CDH23: variants seen among roughly 807,000 people sequenced by gnomAD.
CDH23 encodes cadherin related 23.
CDH23 carries 189 observed loss-of-function variants against 317.1 expected under a neutral mutation model. That is an observed-to-expected ratio of 0.60 (90% CI 0.53 to 0.67). The LOEUF (loss-of-function observed/expected upper bound fraction) is 0.67, where lower values mean the gene tolerates loss of function less well. Among genes scored for constraint, CDH23 ranks in the 30% least tolerant of loss-of-function variants. CDH23 has a pLI of 0.00. For synonymous variants in CDH23, 1,839 were observed against 1,876.8 expected (o/e 0.98, Z 0.52); for missense variants, 4,401 against 4,592.4 (o/e 0.96, Z 1.20).
chr10:71,688,444 G>A (rs145486815), intron 19 of CDH23, among the ~76,000 whole-genome samples: 43 of 152,304 alleles, frequency 2.8e-4, no homozygotes, highest in African/African-American at 9.9e-4. Context: ...AGGGATGGTA[G>A]AGCCAGGGAT....
intron 11 of CDH23, among the ~76,000 whole-genome samples, chr10:71,630,816 G>C (rs959534407): frequency 6.6e-6 from 1 of 152,162 alleles, no homozygotes; most frequent in Non-Finnish European, 1.5e-5. Context: ...AGCTACTGGC[G>C]TGGCCTCAGC....
chr10:71,554,545 C>T (rs1856778057), intron 6 of CDH23, among the ~76,000 whole-genome samples: 1 of 152,126 alleles, frequency 6.6e-6, no homozygotes, highest in African/African-American at 2.4e-5. Flanking sequence ...TACCAAGTCT[C>T]AAGGTTACTG....
intron 9 of CDH23, among the ~76,000 whole-genome samples, chr10:71,584,724 A>ATT (rs1858926214): frequency 6.6e-6 from 1 of 152,216 alleles, no homozygotes; most frequent in South Asian, 2.1e-4. Flanking sequence ...AGCCCTTGTG[A>ATT]TTAAGCTGCT....
chr10:71,632,495 G>T (rs989718188), intron 11 of CDH23, among the ~76,000 whole-genome samples: 1 of 152,196 alleles, frequency 6.6e-6, no homozygotes, highest in Non-Finnish European at 1.5e-5. Flanking sequence ...GAGCACCGGT[G>T]GGTGGGGACT....
intron 34 of CDH23, among the ~76,000 whole-genome samples, chr10:71,736,844 T>C (rs1043000863): frequency 3.3e-5 from 5 of 152,142 alleles, no homozygotes; most frequent in African/African-American, 1.2e-4. Flanking sequence ...CAGCAGTAAA[T>C]GTATGCCCTG....
chr10:71,793,989 GT>G (rs1266274709), intron 48 of CDH23, among the ~76,000 whole-genome samples: 1 of 151,928 alleles, frequency 6.6e-6, no homozygotes, highest in Non-Finnish European at 1.5e-5. Context: ...TTGTTCTTTT[GT>G]TTTTTGTTTT....
chr10:71,748,341 C>T (rs1839904970), intron 38 of CDH23: 1 of 152,668 alleles, frequency 6.6e-6, no homozygotes, highest in Non-Finnish European at 1.5e-5. Flanking sequence ...TGCACCTCCA[C>T]CCCAGCGCCC....
chr10:71,730,897 T>C (rs1355452764), intron 31 of CDH23, among the ~76,000 whole-genome samples: 1 of 152,178 alleles, frequency 6.6e-6, no homozygotes, highest in Non-Finnish European at 1.5e-5. Context: ...CACTAGCCTT[T>C]AGAGAGGGGC....
At chr10:71,695,155 A>T (rs563591045) in intron 21 of CDH23, among the ~76,000 whole-genome samples, 7 of 152,326 alleles carry the variant, frequency 4.6e-5, no homozygotes, top group South Asian at 2.1e-4. Context: ...GGGAAGCCCC[A>T]GGTCACAGCA....
At position 71,578,029 on chromosome 10, in the gene CDH23, T is replaced by C. The variant is rs781133185; in HGVS notation, c.832+37T>C. ...GGCTGCCCCTCTCTCCTCTCACCCC[T>C]CTGTCCTCCACCCAAGGAGAGCCAG... On this transcript the variant is annotated intron_variant, in intron 9 of 69. Transcript: ENST00000224721. 2.6e-6 allele frequency: 4 copies of C among 1,549,500 alleles called. No individual in the cohort carries two copies. In the South Asian group the frequency reaches 4.7e-5, roughly 18 times the overall value.
intron 3 of CDH23, among the ~76,000 whole-genome samples, chr10:71,494,612 G>A (rs1043018412): frequency 1.4e-4 from 22 of 152,160 alleles, no homozygotes; most frequent in African/African-American, 4.8e-4. Context: ...TCTCCCATAC[G>A]GTAGATGCTC....
intron 3 of CDH23, among the ~76,000 whole-genome samples, chr10:71,474,097 C>G (rs746354711): frequency 6.6e-6 from 1 of 152,100 alleles, no homozygotes; most frequent in Non-Finnish European, 1.5e-5. Flanking sequence ...TGTTGGTGCC[C>G]GCTCCCTCCC....
At chr10:71,764,489 T>C (rs1416243491) in intron 38 of CDH23, among the ~76,000 whole-genome samples, 1 of 152,166 alleles carries the variant, frequency 6.6e-6, no homozygotes, top group Non-Finnish European at 1.5e-5. Context: ...TCTTTTTAAT[T>C]TTCTTGAGAT....
Position 71,724,080 on chromosome 10 carries a change from G to T in CDH23, c.3405G>T (p.Gly1135=), listed in dbSNP as rs1232776970. 1 of 1,560,100 alleles carries T rather than the reference G, an allele frequency of 6.4e-7. No homozygotes were observed. The highest frequency in any genetic ancestry group is 8.7e-7 in the Non-Finnish European group (1 of 1,151,720). Reference sequence around the variant, plus strand: ...CGGACGCAGATGAGGGCGAGTTTGGGCGTGTGTGGTACCGCATCCTCCATG... The same window carrying T: ...CGGACGCAGATGAGGGCGAGTTTGGTCGTGTGTGGTACCGCATCCTCCATG... The part of the protein sequence containing the change: ...KATDADEGEF[G]RVWYRILHGN... Residue 1135 remains glycine, a synonymous_variant, in exon 29 of 70, where the codon GGG becomes GGT. Transcript: ENST00000224721.
At position 71,813,395 on chromosome 10, in the gene CDH23, G is replaced by A. The variant is rs1459398490; in HGVS notation, c.9738+47G>A. ...AGCTGTGTGCTGTGCCCCAGCCTGG[G>A]GATGCTCTCTGTCTCTTGCTGTCCT... On this transcript the variant is annotated intron_variant, in intron 69 of 69. Coordinates refer to ENST00000224721, the MANE Select transcript of CDH23 (RefSeq NM_022124.6). 2.0e-6 allele frequency: 3 copies of A among 1,468,466 alleles called. No individual in the cohort carries two copies. The African/African-American group carries it at 4.2e-5, about 21-fold the overall frequency. 91.0% of individuals were successfully genotyped at this position (1,468,466 alleles called of 1,614,324 possible).
intron 9 of CDH23, 43 bp downstream of exon 9, chr10:71,578,035 C>G: frequency 1.3e-6 from 2 of 1,538,530 alleles, no homozygotes; most frequent in Non-Finnish European, 1.8e-6. Context: ...CCCCTCTGTC[C>G]TCCACCCAAG....
At position 71,596,979 on chromosome 10, in the gene CDH23, A is replaced by G. The variant is rs139792433; in HGVS notation, c.833-18525A>G. Among the ~76,000 whole-genome samples the G allele has an allele frequency of 6.6e-5, 10 of 152,274 alleles. No individual in the cohort carries two copies. In the East Asian group the frequency reaches 1.9e-3, roughly 29 times the overall value. On this transcript the variant is annotated intron_variant, in intron 9 of 69. Transcript: ENST00000224721. Reference sequence around the variant, plus strand: ...CTGAGGTCAGGTCTTTGTTTGAAGGACAGATAATTAATCCCACAAAGTAAT... The same window carrying G: ...CTGAGGTCAGGTCTTTGTTTGAAGGGCAGATAATTAATCCCACAAAGTAAT...
At chr10:71,770,427 C>A (rs962284815) in intron 38 of CDH23, among the ~76,000 whole-genome samples, 3 of 152,164 alleles carry the variant, frequency 2.0e-5, no homozygotes, top group Admixed American at 2.0e-4. Context: ...AAGAGTTAAG[C>A]AAGGGGCTGT....
intron 3 of CDH23, among the ~76,000 whole-genome samples, chr10:71,500,867 T>C (rs1441775779): frequency 1.3e-5 from 2 of 151,728 alleles, no homozygotes; most frequent in Non-Finnish European, 2.9e-5. Context: ...CTTTCTTTTT[T>C]TGTTTTGTTT....
Sources: gnomAD v4.1 joint callset for allele counts (sites outside exome capture counted in the v4.1 genomes callset) on GRCh38, gnomAD v4.1.1 for gene constraint, MANE v1.5 for transcripts, NCBI Gene and HGNC (gene_info 2026-07-23, HGNC 2026-07-21) for gene names.